Variants in ITGB7 observed in about 807,000 individuals in gnomAD.
The protein encoded by ITGB7 is integrin beta-7.
In ITGB7, 55 loss-of-function variants were observed where a neutral mutation model predicts 83.4. That is an observed-to-expected ratio of 0.66 (90% CI 0.53 to 0.83). The LOEUF (loss-of-function observed/expected upper bound fraction) is 0.83, where lower values mean the gene tolerates loss of function less well. Ranked by LOEUF, ITGB7 falls within the 40% of genes least tolerant of loss-of-function variation. The pLI, the probability that ITGB7 is intolerant of heterozygous loss-of-function variation, is 0.00. For missense variants in ITGB7, 921 were observed against 1,046.7 expected, an observed-to-expected ratio of 0.88 and a Z score of 1.66; for synonymous variants, 454 against 423.6, an observed-to-expected ratio of 1.07 and a Z score of -0.88.
At chr12:53,200,546 G>T in intron 2 of ITGB7, 100 bp from the exon 3 acceptor site, 1 of 928,380 alleles carries the variant, frequency 1.1e-6, no homozygotes, top group Non-Finnish European at 1.7e-6. Context: ...TCAAAACTCT[G>T]CCCCAACACT....
chr12:53,192,248 C>A, intron 14 of ITGB7, 82 bp downstream of exon 14: 1 of 1,447,854 alleles, frequency 6.9e-7, no homozygotes, highest in South Asian at 1.2e-5. Context: ...CAGCCTGTTT[C>A]CCATTATCTT....
In ITGB7 at chr12:53,196,683, C is replaced by G; in HGVS notation, c.712G>C (p.Asp238His). Residue 238 changes from aspartate to histidine, a missense_variant, in exon 6 of 16, where the codon GAC (aspartate) becomes CAC (histidine). Asp to His is a moderately conservative substitution (Grantham distance 81). Transcript: ENST00000267082. ...ACCTCCCGCTCGAAGGCTTGTGCGT[C>G]CCCCGTCAGGGACAGCACATGGTGA... ...SFHHVLSLTGDAQAFEREVGR... is the reference protein window; with the variant it reads ...SFHHVLSLTGHAQAFEREVGR... 1 of 1,611,902 alleles carries G rather than the reference C, an allele frequency of 6.2e-7. No individual in the cohort carries two copies. The highest frequency in any genetic ancestry group is 8.5e-7 in the Non-Finnish European group (1 of 1,178,908).
At position 53,197,683 on chromosome 12, in the gene ITGB7, C is replaced by T. The variant is rs777205554; in HGVS notation, c.404-20G>A. The T allele has an allele frequency of 2.5e-6, 4 of 1,610,918 alleles. No homozygotes were observed. The highest frequency in any genetic ancestry group is 2.2e-5 in the South Asian group (2 of 90,644). On this transcript the variant is annotated intron_variant, in intron 4 of 15. Transcript: ENST00000267082. ...GCTCCCCTAGGGGGTGGGCGGCGGG[C>T]GGGTCAGCAGAGCGCATTGGAACGC...
Position 53,191,639 on chromosome 12 carries a change from G to T in ITGB7, c.2317-3C>A, listed in dbSNP as rs773654187. 1.2e-6 allele frequency: 2 copies of T among 1,612,082 alleles called. No homozygotes were observed. The highest frequency in any genetic ancestry group is 1.7e-6 in the Non-Finnish European group (2 of 1,178,128). ...CTTTTGTAGAGAGGATTACTGTCCT[G>T]GAGAAAGATGTTGCAGATTATAAGC... On this transcript the variant is annotated splice_polypyrimidine_tract_variant and splice_region_variant and intron_variant, in intron 15 of 15. Coordinates refer to ENST00000267082, the MANE Select transcript of ITGB7 (RefSeq NM_000889.3).
chr12:53,196,864 C>T lies in ITGB7; in HGVS notation c.575-44G>A, dbSNP rs745670517. 8 of 1,563,470 alleles carry T rather than the reference C, an allele frequency of 5.1e-6. No homozygotes were observed. In the South Asian group the frequency reaches 6.0e-5, roughly 12 times the overall value. On this transcript the variant is annotated intron_variant, in intron 5 of 15. Transcript: ENST00000267082. ...GAAGGTTGTGCCAGAAGTCGCAGGG[C>T]AGCAACAGAGGACCCATGAGAGCGC... is the stretch of plus-strand genomic sequence containing the variant.
At chr12:53,196,281 T>G (rs1453415793) in intron 6 of ITGB7, 82 bp from the exon 7 acceptor site, 1 of 1,511,490 alleles carries the variant, frequency 6.6e-7, no homozygotes, top group East Asian at 2.3e-5. Flanking sequence ...GCCAAGAATG[T>G]GGCCAGCCTC....
chr12:53,193,982 A>T, intron 10 of ITGB7, 81 bp from the exon 11 acceptor site: 1 of 1,399,032 alleles, frequency 7.1e-7, no homozygotes. Context: ...CCAGAACCTC[A>T]CCCCTTAGTA....
At chr12:53,195,900 T>C in intron 7 of ITGB7, 141 bp downstream of exon 7, 1 of 1,072,422 alleles carries the variant, frequency 9.3e-7, no homozygotes, top group Non-Finnish European at 1.4e-6. Context: ...TCTCGGCAGC[T>C]GAAAGGAGGA....
At chr12:53,195,524 A>G (rs961624431) in intron 8 of ITGB7, 61 bp from the exon 9 acceptor site, 2 of 1,529,070 alleles carry the variant, frequency 1.3e-6, no homozygotes, top group Non-Finnish European at 1.8e-6. Flanking sequence ...GGGCTCCCGG[A>G]GGTCTGGAAG....
chr12:53,192,784 C>A lies in ITGB7; in HGVS notation c.1853G>T (p.Arg618Leu). ...PEGGLCSGHGRCKCNRCQCLD... is the reference protein window; with the variant it reads ...PEGGLCSGHGLCKCNRCQCLD... ...GCACTGGCAGCGGTTGCATTTGCAG[C>A]GTCCATGCCCACTGCAGAGCCCTCC... is the stretch of plus-strand genomic sequence containing the variant. The change falls in exon 13 of 16, where the codon CGC becomes CTC. Residue 618 changes from arginine to leucine, a missense_variant. Arg to Leu is a moderately radical substitution (Grantham distance 102, BLOSUM62 -2). Transcript: ENST00000267082. 6.2e-7 allele frequency: 1 copy of A among 1,614,230 alleles called. No individual in the cohort carries two copies. The highest frequency in any genetic ancestry group is 8.5e-7 in the Non-Finnish European group (1 of 1,180,030).
chr12:53,197,464 A>G, intron 5 of ITGB7, 29 bp downstream of exon 5: 1 of 1,613,678 alleles, frequency 6.2e-7, no homozygotes, highest in Non-Finnish European at 8.5e-7. Context: ...GGCAAGGGCT[A>G]ACAGGGCGGG....
In ITGB7 at chr12:53,200,500, T is replaced by C. The variant is rs574259299; in HGVS notation, c.-3-54A>G. 13 of 1,461,924 alleles carry C rather than the reference T, an allele frequency of 8.9e-6. No homozygotes were observed. In the East Asian group the frequency reaches 3.0e-4, roughly 33 times the overall value. The allele number at this position is 1,461,924 out of a possible 1,614,324, so 90.6% of individuals were successfully genotyped here. A position where few individuals can be genotyped will look rare whatever the true frequency, so the allele number is the denominator to read the frequency against. On this transcript the variant is annotated intron_variant, in intron 2 of 15. Transcript: ENST00000267082. ...GGGTCCTCAGGGAGGACTCTCAAAC[T>C]CTCAGTCCTCTAAACTTAGCTTGTG...
rs1367862261 is a variant in ITGB7, at chr12:53,193,275, T to G, written c.1591A>C (p.Asn531His). 6.2e-7 allele frequency: 1 copy of G among 1,613,212 alleles called. No homozygotes were observed. Among genetic ancestry groups the G allele is most frequent in the African/African-American group, 1.3e-5 (1 of 74,862 alleles). ...PDLESGCRAP[N>H]GTGPLCSGKG... ...CCACTGCACAGGGGCCCTGTGCCAT[T>G]GGGAGCCCGGCACCCAGATTCCAGG... Residue 531 changes from asparagine (N) to histidine (H), a missense_variant, in exon 12 of 16, where the codon AAT becomes CAT. Transcript: ENST00000267082.
chr12:53,193,125 C>T lies in ITGB7; in HGVS notation c.1726+15G>A. 2 of 1,595,618 alleles carry T rather than the reference C, an allele frequency of 1.3e-6. No homozygotes were observed. Among genetic ancestry groups the T allele is most frequent in the Non-Finnish European group, 1.7e-6 (2 of 1,166,380 alleles). On this transcript the variant is annotated intron_variant, in intron 12 of 15. Coordinates refer to ENST00000267082, the MANE Select transcript of ITGB7 (RefSeq NM_000889.3). The stretch of plus-strand genomic sequence containing the variant: ...GCCTCTCAGACCCCGCCCTTCTCCC[C>T]AAGGCTCCAGGTACCTCCGCAGAGG...
Position 53,195,708 on chromosome 12 carries a change from A to G in ITGB7, c.989T>C (p.Val330Ala). 1.1e-5 allele frequency: 17 copies of G among 1,613,576 alleles called. No homozygotes were observed. Among genetic ancestry groups the G allele is most frequent in the Non-Finnish European group, 1.3e-5 (15 of 1,179,530 alleles). ...SRSTEFDYPS[V>A]GQVAQALSAA... ...AGAGAGGGCCTGGGCTACCTGACCC[A>G]CAGAAGGGTAGTCCTGGGACAGGGA... The change falls in exon 8 of 16, where the codon GTG (valine) becomes GCG (alanine). Residue 330 changes from valine to alanine, a missense_variant. Val to Ala is a moderately conservative substitution (Grantham distance 64). Transcript: ENST00000267082.
At chr12:53,200,165 C>G in intron 3 of ITGB7, 78 bp downstream of exon 3, 1 of 1,247,764 alleles carries the variant, frequency 8.0e-7, no homozygotes, top group South Asian at 1.3e-5. Context: ...CAATCACACA[C>G]ATATATCCAG....
intron 3 of ITGB7, among the ~76,000 whole-genome samples, chr12:53,199,454 AAC>A (rs1478250564): frequency 6.6e-6 from 1 of 151,936 alleles, no homozygotes; most frequent in African/African-American, 2.4e-5. Context: ...CTCCACCCAA[AAC>A]ACAGACTTAG....
intron 7 of ITGB7, 68 bp from the exon 8 acceptor site, chr12:53,195,789 C>G: frequency 2.2e-6 from 3 of 1,338,950 alleles, no homozygotes; most frequent in Non-Finnish European, 3.2e-6. Flanking sequence ...GTGCCCTCAG[C>G]CCAGGGAATC....
At position 53,200,297 on chromosome 12, in the gene ITGB7, G is replaced by C; in HGVS notation, c.147C>G (p.Pro49=). Residue 49 remains proline, a synonymous_variant, in exon 3 of 16, where the codon CCC becomes CCG. Transcript: ENST00000267082. ...GTGAGAGGATGCACTTCTGGCAGGA[G>C]GGGGCTGGCTGGCAGGACCCCAGCA... ...LSMLGSCQPA[P]SCQKCILSHP... 2 of 1,614,194 alleles carry C rather than the reference G, an allele frequency of 1.2e-6. No homozygotes were observed. Among genetic ancestry groups the C allele is most frequent in the Middle Eastern group, 1.6e-4 (1 of 6,062 alleles).
Sources: allele counts gnomAD v4.1 joint callset (sites outside exome capture counted in the v4.1 genomes callset), GRCh38; gene constraint gnomAD v4.1.1; transcripts MANE v1.5; gene names NCBI Gene and HGNC (gene_info 2026-07-23, HGNC 2026-07-21).